The following THOP1 variants were observed in gnomAD, a reference collection of about 807,000 sequenced individuals.
THOP1 encodes thimet oligopeptidase.
In THOP1, 49 loss-of-function variants were observed where a neutral mutation model predicts 71.8. That is an observed-to-expected ratio of 0.68 (90% CI 0.54 to 0.87). The LOEUF is 0.87. THOP1 is among the 40% of genes least tolerant of loss of function. The pLI, the probability that THOP1 is intolerant of heterozygous loss-of-function variation, is 0.00. For missense variants in THOP1, 843 were observed against 975.6 expected (o/e 0.86, Z 1.81); for synonymous variants, 426 against 421.5 (o/e 1.01, Z -0.13).
At chr19:2,812,642 G>A (rs1916508208) in intron 12 of THOP1, among the ~76,000 whole-genome samples, 1 of 152,230 alleles carries the variant, frequency 6.6e-6, no homozygotes, top group African/African-American at 2.4e-5. Context: ...GTCCGCGCAG[G>A]CTCCTGCGGG....
Position 2,815,053 on chromosome 19 carries a change from C to G in THOP1, c.*1777C>G, listed in dbSNP as rs1435921388. On this transcript the variant is annotated 3_prime_UTR_variant, in exon 13 of 13. Transcript: ENST00000307741. ...CCTGGGCAACAGAGCAAGACTGTCTCTAAAATAACAATAATAATAAAATAC... is the reference window on the plus strand; with the variant it reads ...CCTGGGCAACAGAGCAAGACTGTCTGTAAAATAACAATAATAATAAAATAC... 5 of 152,436 alleles carry G rather than the reference C, an allele frequency of 3.3e-5. No individual in the cohort carries two copies. In the East Asian group the frequency reaches 9.6e-4, roughly 29 times the overall value. The allele number at this position is 152,436 out of a possible 1,614,324, so 9.4% of individuals were successfully genotyped here. A position where few individuals can be genotyped will look rare whatever the true frequency, so the allele number is the denominator to read the frequency against.
chr19:2,795,748 C>G (rs1047368902), intron 3 of THOP1, among the ~76,000 whole-genome samples: 22 of 152,154 alleles, frequency 1.4e-4, no homozygotes, highest in Non-Finnish European at 7.3e-5. Context: ...GCCAACTTTG[C>G]CCAGGTCCCC....
rs945456551 is a variant in THOP1, at chr19:2,804,117, T to A, written c.590-899T>A. 6.6e-6 allele frequency among the ~76,000 whole-genome samples: 1 copy of A among 152,164 alleles called. No individual in the cohort carries two copies. Among genetic ancestry groups the A allele is most frequent in the African/African-American group, 2.4e-5 (1 of 41,438 alleles). On this transcript the variant is annotated intron_variant, in intron 5 of 12. Coordinates refer to ENST00000307741, the MANE Select transcript of THOP1 (RefSeq NM_003249.5). This position sits in a 1 kb window ranked among gnomAD's most constrained non-coding sequence, Gnocchi z 4.7. Reference sequence around the variant, plus strand: ...ATCATTCTTTCCACTCTGACCGCCCTGGGGTTGAGGTGAACCAGTCTTTGC... The same window carrying A: ...ATCATTCTTTCCACTCTGACCGCCCAGGGGTTGAGGTGAACCAGTCTTTGC...
At chr19:2,809,560 A>T (rs994356239) in intron 9 of THOP1, 2 of 152,198 alleles carry the variant, frequency 1.3e-5, no homozygotes, top group African/African-American at 2.4e-5. Flanking sequence ...GTTTGAAAAC[A>T]CGGAGTCCAG....
In THOP1 at chr19:2,811,596, A is replaced by C; in HGVS notation, c.1772-2A>C. 6.2e-7 allele frequency: 1 copy of C among 1,612,438 alleles called. No individual in the cohort carries two copies. On this transcript the variant is annotated splice_acceptor_variant, in intron 11 of 12. Transcript: ENST00000307741. LOFTEE classifies it high-confidence loss of function. ...GTGAACCCTGCCATGTGTCCGCCCC[A>C]GGAACCAACATGCCTGCAACCTTCG...
chr19:2,788,028 A>T (rs1915791364), intron 1 of THOP1, among the ~76,000 whole-genome samples: 1 of 152,138 alleles, frequency 6.6e-6, no homozygotes, highest in South Asian at 2.1e-4. Flanking sequence ...AATGGGGGGA[A>T]ATTCTGAATG....
Position 2,785,654 on chromosome 19 carries a change from C to A in THOP1, c.-9C>A. On this transcript the variant is annotated 5_prime_UTR_variant, in exon 1 of 13. Transcript: ENST00000307741. ...GAGGGAGGGAGCCGCAGGCGCAGAC[C>A]CACCCGCCATGAAGCCCCCCGCAGG... 6.7e-7 allele frequency: 1 copy of A among 1,488,918 alleles called. No homozygotes were observed. The highest frequency in any genetic ancestry group is 8.9e-7 in the Non-Finnish European group (1 of 1,117,444). The allele number at this position is 1,488,918 out of a possible 1,614,324, so 92.2% of individuals were successfully genotyped here.
Position 2,810,772 on chromosome 19 carries a change from G to A in THOP1, c.1771+4G>A. ...CTCGGGGTCCCGGCCACGCCAGGTA[G>A]CCACCCTTGAGCCGGGCACACCCTG... On this transcript the variant is annotated splice_donor_region_variant and intron_variant, in intron 11 of 12. Coordinates refer to ENST00000307741, the MANE Select transcript of THOP1 (RefSeq NM_003249.5). 6.2e-7 allele frequency: 1 copy of A among 1,601,830 alleles called. No individual in the cohort carries two copies. The highest frequency in any genetic ancestry group is 8.5e-7 in the Non-Finnish European group (1 of 1,177,160).
chr19:2,798,169 C>T (rs867070060), intron 4 of THOP1, among the ~76,000 whole-genome samples: 2 of 152,178 alleles, frequency 1.3e-5, no homozygotes, highest in East Asian at 1.9e-4. Context: ...GCTGGGATTA[C>T]GGGCACCCGC....
intron 2 of THOP1, among the ~76,000 whole-genome samples, chr19:2,791,769 C>T (rs1915886712): frequency 6.6e-6 from 1 of 152,216 alleles, no homozygotes; most frequent in South Asian, 2.1e-4. Context: ...CTTTCCTCTC[C>T]TCCTTCACAT....
In THOP1 at chr19:2,790,445, C is replaced by A; in HGVS notation, c.41C>A (p.Ala14Glu). ...PAACAGDMAD[A>E]ASPCSVVNDL... Reference sequence around the variant, plus strand: ...GCCTGTGCAGGAGACATGGCGGACGCAGCATCTCCGTGCTCTGTGGTAAAC... The same window carrying A: ...GCCTGTGCAGGAGACATGGCGGACGAAGCATCTCCGTGCTCTGTGGTAAAC... The change falls in exon 2 of 13, where the codon GCA becomes GAA. Residue 14 changes from alanine (A) to glutamate (E), a missense_variant. Ala to Glu is a moderately radical substitution (Grantham distance 107). Transcript: ENST00000307741. 6.3e-7 allele frequency: 1 copy of A among 1,575,294 alleles called. No homozygotes were observed. Among genetic ancestry groups the A allele is most frequent in the Non-Finnish European group, 8.6e-7 (1 of 1,160,482 alleles).
chr19:2,802,346 A>C (rs1393274168), intron 5 of THOP1, among the ~76,000 whole-genome samples: 13 of 34,706 alleles, frequency 3.7e-4, no homozygotes, highest in South Asian at 1.0e-3. Context: ...TCCCGACACC[A>C]ACACCTCCCA....
intron 5 of THOP1, among the ~76,000 whole-genome samples, chr19:2,803,625 A>G (rs941406): frequency 0.31 from 47,072 of 152,048 alleles, 7,494 homozygotes; most frequent in East Asian, 0.5. Flanking sequence ...GTCGAGATGG[A>G]GAGCTGCTGT....
At chr19:2,791,733 C>T (rs1915885458) in intron 2 of THOP1, among the ~76,000 whole-genome samples, 3 of 152,206 alleles carry the variant, frequency 2.0e-5, no homozygotes, top group South Asian at 2.1e-4. Context: ...TTCCCCCGCC[C>T]GTGCCCCACC....
Position 2,799,713 on chromosome 19 carries a change from C to G in THOP1, c.511C>G (p.Leu171Val). The G allele has an allele frequency of 6.2e-7, 1 of 1,613,950 alleles. No homozygotes were observed. Among genetic ancestry groups the G allele is most frequent in the Non-Finnish European group, 8.5e-7 (1 of 1,179,952 alleles). The change falls in exon 5 of 13, where the codon CTG becomes GTG. Residue 171 changes from leucine (L) to valine (V), a missense_variant. Physicochemically the swap from Leu to Val is conservative, Grantham distance 32. Transcript: ENST00000307741. ...GAACATCAAACGCATCAAGAAGAAGCTGAGCCTTCTGTGCATCGACTTCAA... is the reference window on the plus strand; with the variant it reads ...GAACATCAAACGCATCAAGAAGAAGGTGAGCCTTCTGTGCATCGACTTCAA... ...QENIKRIKKK[L>V]SLLCIDFNKN...
rs141969247 is a variant in THOP1 at position 2,807,693 on chromosome 19, G to A, written c.1138G>A (p.Ala380Thr). ...LGIYQELLGL[A>T]FHHEEGASAW... ...CATCTACCAGGAGCTCCTGGGGCTG[G>A]CCTTCCACCACGAGGAGGGCGCCAG... Residue 380 changes from alanine to threonine, a missense_variant, in exon 8 of 13, where the codon GCC becomes ACC. Transcript: ENST00000307741. 8.3e-5 allele frequency: 133 copies of A among 1,604,476 alleles called. 1 individual carries two copies. The African/African-American group carries it at 1.5e-3, about 19-fold the overall frequency.
rs1916329503 is a variant in THOP1, at chr19:2,807,568, G to A, written c.1013G>A (p.Arg338His). 2 of 1,612,502 alleles carry A rather than the reference G, an allele frequency of 1.2e-6. No homozygotes were observed. The highest frequency in any genetic ancestry group is 2.2e-5 in the East Asian group (1 of 44,854). The change falls in exon 8 of 13, where the codon CGC (arginine) becomes CAC (histidine). Residue 338 changes from arginine (R) to histidine (H), a missense_variant. By Grantham distance (29) the Arg-to-His change is conservative (BLOSUM62 0). Transcript: ENST00000307741. ...GGCCGCATCCGTGCCTGGGACATGC[G>A]CTACTACATGAACCAGGTGGAGGAG... Reference protein sequence around the residue: ...FDGRIRAWDMRYYMNQVEETR... With the variant: ...FDGRIRAWDMHYYMNQVEETR...
chr19:2,788,667 C>T (rs1372645728), intron 1 of THOP1, among the ~76,000 whole-genome samples: 3 of 152,152 alleles, frequency 2.0e-5, no homozygotes, highest in South Asian at 2.1e-4. Context: ...TTAGTAGAGA[C>T]GGGGTTTCTC....
intron 3 of THOP1, among the ~76,000 whole-genome samples, chr19:2,795,521 T>A (rs1377020164): frequency 6.6e-6 from 1 of 152,224 alleles, no homozygotes; most frequent in Non-Finnish European, 1.5e-5. Context: ...CTCAGGATCA[T>A]GCAGCCCTAG....
Sources: allele counts gnomAD v4.1 joint callset (sites outside exome capture counted in the v4.1 genomes callset), GRCh38; gene constraint gnomAD v4.1.1; non-coding constraint Gnocchi (gnomAD v3.1); transcripts MANE v1.5; gene names NCBI Gene and HGNC (gene_info 2026-07-23, HGNC 2026-07-21).